Variants in NAALADL2 observed in about 807,000 individuals in gnomAD.
NAALADL2 encodes inactive N-acetylated-alpha-linked acidic dipeptidase-like protein 2.
In NAALADL2, 76 loss-of-function variants were observed where a neutral mutation model predicts 87.2. The ratio of observed to expected loss-of-function variants is 0.87; its 90% confidence interval spans 0.72 to 1.05. The LOEUF (loss-of-function observed/expected upper bound fraction) is 1.05, where lower values mean the gene tolerates loss of function less well. NAALADL2 is among the 50% of genes least tolerant of loss of function. The pLI is 0.00. For missense variants in NAALADL2, 1,089 were observed against 945.8 expected (o/e 1.15, Z -1.99); for synonymous variants, 354 against 331.0 (o/e 1.07, Z -0.75).
chr3:175,787,421 G>A (rs940303765), intron 13 of NAALADL2, among the ~76,000 whole-genome samples: 4 of 152,166 alleles, frequency 2.6e-5, no homozygotes, highest in Non-Finnish European at 5.9e-5. Context: ...GTGGTGCGCC[G>A]TTTTTTAAGC....
At chr3:175,568,114 A>ATT (rs112937547) in intron 9 of NAALADL2, among the ~76,000 whole-genome samples, 4 of 146,872 alleles carry the variant, frequency 2.7e-5, no homozygotes, top group African/African-American at 9.9e-5. Flanking sequence ...TTAATTTTTA[A>ATT]TTTTTTTTTT....
At chr3:174,653,507 A>G (rs1724594610) in intron 2 of NAALADL2, among the ~76,000 whole-genome samples, 1 of 152,198 alleles carries the variant, frequency 6.6e-6, no homozygotes, top group East Asian at 1.9e-4. Flanking sequence ...AAAAACATGT[A>G]AAATAAATAC....
At chr3:174,880,091 T>A (rs1729012818) in intron 1 of NAALADL2, among the ~76,000 whole-genome samples, 1 of 152,060 alleles carries the variant, frequency 6.6e-6, no homozygotes, top group Admixed American at 6.6e-5. Flanking sequence ...TGATCCTCTC[T>A]GGCTTCCATT....
intron 5 of NAALADL2, among the ~76,000 whole-genome samples, chr3:175,327,388 C>T (rs1457473924): frequency 1.3e-5 from 2 of 152,120 alleles, no homozygotes; most frequent in East Asian, 3.9e-4. Context: ...ATCTCTTGAC[C>T]TCGTGATCCG....
In NAALADL2 at chr3:174,586,933, G is replaced by A. The variant is rs920238083; in HGVS notation, c.-115+36296G>A. Among the ~76,000 whole-genome samples the A allele has an allele frequency of 3.9e-5, 6 of 151,944 alleles. No individual in the cohort carries two copies. In the East Asian group the frequency reaches 1.2e-3, roughly 29 times the overall value. On this transcript the variant is annotated intron_variant, in intron 2 of 3. Transcript: ENST00000434257. ...TGAGCCATGTTGGTGTGCTGCACCC[G>A]TTAACTCTTCATTTACATTAGGTAT...
intron 11 of NAALADL2, among the ~76,000 whole-genome samples, chr3:175,634,805 A>T (rs1728282708): frequency 6.6e-6 from 1 of 152,028 alleles, no homozygotes; most frequent in African/African-American, 2.4e-5. Flanking sequence ...GAAGCTATGA[A>T]TTTAGAGCTT....
chr3:174,454,780 TAGAA>T (rs1465154499), intron 1 of NAALADL2, among the ~76,000 whole-genome samples: 1 of 152,030 alleles, frequency 6.6e-6, no homozygotes, highest in Non-Finnish European at 1.5e-5. Flanking sequence ...ATTAAAAAGT[TAGAA>T]AGATCTCAAT....
intron 3 of NAALADL2, among the ~76,000 whole-genome samples, chr3:175,254,717 A>T (rs142864338): frequency 1.3e-5 from 2 of 152,316 alleles, no homozygotes; most frequent in African/African-American, 4.8e-5. Context: ...AATCATTAAT[A>T]TTATGTGATC....
intron 2 of NAALADL2, among the ~76,000 whole-genome samples, chr3:175,162,772 C>T (rs1185298302): frequency 6.6e-6 from 1 of 152,032 alleles, no homozygotes; most frequent in Non-Finnish European, 1.5e-5. Context: ...TTTGTTTGTT[C>T]ATATTAATTT....
intron 5 of NAALADL2, among the ~76,000 whole-genome samples, chr3:175,374,562 A>G (rs1375152214): frequency 8.5e-6 from 1 of 117,872 alleles, no homozygotes; most frequent in African/African-American, 4.6e-5. Flanking sequence ...AGAAAAAAAA[A>G]AAAAAAAAAA....
chr3:175,092,100 G>C (rs1264627457), intron 1 of NAALADL2, among the ~76,000 whole-genome samples: 1 of 151,632 alleles, frequency 6.6e-6, no homozygotes, highest in Non-Finnish European at 1.5e-5. Context: ...TATGTTTTGA[G>C]CACATTAAAT....
chr3:175,023,447 G>T (rs1391072207), intron 1 of NAALADL2, among the ~76,000 whole-genome samples: 1 of 151,818 alleles, frequency 6.6e-6, no homozygotes, highest in Non-Finnish European at 1.5e-5. Context: ...TTATTTTTTC[G>T]ATTGAGAAAC....
intron 11 of NAALADL2, among the ~76,000 whole-genome samples, chr3:175,636,960 T>C (rs1208632754): frequency 2.0e-5 from 3 of 152,232 alleles, no homozygotes; most frequent in African/African-American, 7.2e-5. Context: ...TATAGCAAGA[T>C]ATTTAAATAT....
At chr3:174,663,215 A>G (rs972521909) in intron 2 of NAALADL2, among the ~76,000 whole-genome samples, 15 of 152,168 alleles carry the variant, frequency 9.9e-5, no homozygotes, top group African/African-American at 3.6e-4. Context: ...CATTGATATT[A>G]TCTCAGTTTC....
At chr3:174,860,096 T>C (rs11920738) in intron 1 of NAALADL2, among the ~76,000 whole-genome samples, 17,584 of 151,992 alleles carry the variant, frequency 0.12, 1,107 homozygotes, top group Middle Eastern at 0.15. Context: ...GTCGCTCACA[T>C]TTCACATTTT....
At chr3:175,054,166 G>A (rs1412608325) in intron 1 of NAALADL2, among the ~76,000 whole-genome samples, 9 of 152,160 alleles carry the variant, frequency 5.9e-5, no homozygotes, top group African/African-American at 1.9e-4. Context: ...TACAAGCTCC[G>A]CTTTTTGAGC....
At position 174,859,505 on chromosome 3, in the gene NAALADL2, G is replaced by C. The variant is rs16865172; in HGVS notation, c.43+55G>C. On this transcript the variant is annotated intron_variant, in intron 1 of 13. Transcript: ENST00000454872. ...CTTTTCACAATCAGAAACTTAAGCA[G>C]TGTTGATTACAAAGTCTGTGTGTTT... The C allele has an allele frequency of 2.3e-3, 3,265 of 1,427,798 alleles. 64 individuals are homozygous for C. The African/African-American group carries it at 0.041, about 18-fold the overall frequency. The allele number at this position is 1,427,798 out of a possible 1,614,324, so 88.4% of individuals were successfully genotyped here.
chr3:175,442,045 G>A (rs560353573), intron 5 of NAALADL2, among the ~76,000 whole-genome samples: 7 of 152,172 alleles, frequency 4.6e-5, no homozygotes, highest in Admixed American at 3.3e-4. Flanking sequence ...AGATTCAAGC[G>A]ATTGTCCTGC....
chr3:175,540,932 G>C (rs1712207216), intron 9 of NAALADL2, among the ~76,000 whole-genome samples: 1 of 152,190 alleles, frequency 6.6e-6, no homozygotes, highest in Admixed American at 6.5e-5. Context: ...AGTAGGTCAG[G>C]AATTGGATCA....
Sources: gnomAD v4.1 joint callset for allele counts (sites outside exome capture counted in the v4.1 genomes callset) on GRCh38, gnomAD v4.1.1 for gene constraint, MANE v1.5 for transcripts, NCBI Gene and HGNC (gene_info 2026-07-23, HGNC 2026-07-21) for gene names.